Variants in PARD3 observed in about 807,000 individuals in gnomAD.
PARD3 encodes the protein par-3 family cell polarity regulator, also known as partitioning defective 3 homolog.
PARD3 carries 75 observed loss-of-function variants against 155.4 expected under a neutral mutation model. The ratio of observed to expected loss-of-function variants is 0.48; its 90% CI spans 0.40 to 0.58. The LOEUF is 0.58. PARD3 is among the 20% of genes least tolerant of loss of function. The pLI is 0.00. For missense variants in PARD3, 1,642 were observed against 1,721.7 expected (o/e 0.95, Z 0.82); for synonymous variants, 576 against 610.5 (o/e 0.94, Z 0.83).
In PARD3 at chr10:34,109,974, G is replaced by T. The variant is rs1946324407; in HGVS notation, c.*1195C>A. 6.7e-6 allele frequency: 1 copy of T among 149,662 alleles called. No homozygotes were observed. The highest frequency in any genetic ancestry group is 2.0e-4 in the East Asian group (1 of 5,038). 9.3% of individuals were successfully genotyped at this position (149,662 alleles called of 1,614,324 possible). A position where few individuals can be genotyped will look rare whatever the true frequency, so the allele number is the denominator to read the frequency against. ...ATACAGGATGTTCAGAACAATGAAG[G>T]AAGATGGGAGCCACCGAGATCCCCG... On this transcript the variant is annotated 3_prime_UTR_variant, in exon 25 of 25. Coordinates refer to ENST00000374788, the MANE Select transcript of PARD3 (RefSeq NM_001184785.2).
chr10:34,737,658 G>A (rs1177700984), intron 1 of PARD3, among the ~76,000 whole-genome samples: 7 of 152,136 alleles, frequency 4.6e-5, no homozygotes, highest in South Asian at 4.1e-4. Context: ...CCCCCACCAC[G>A]TGAGTGCTCA....
At chr10:34,488,502 T>G (rs1589753196) in intron 3 of PARD3, 1 of 140,438 alleles carries the variant, frequency 7.1e-6, no homozygotes, top group African/African-American at 2.6e-5. Context: ...ACTAAAACCC[T>G]TTTTTTTTTG....
At chr10:34,456,411 C>G (rs1402733323) in intron 4 of PARD3, among the ~76,000 whole-genome samples, 1 of 152,182 alleles carries the variant, frequency 6.6e-6, no homozygotes, top group Non-Finnish European at 1.5e-5. Flanking sequence ...ATTCTCCTGC[C>G]TCAGCCTCCC....
At chr10:34,518,504 A>G (rs1004750871) in intron 2 of PARD3, among the ~76,000 whole-genome samples, 1 of 152,234 alleles carries the variant, frequency 6.6e-6, no homozygotes, top group Admixed American at 6.5e-5. Flanking sequence ...ATCAAATGGA[A>G]GCAGGTGTCA....
chr10:34,759,006 G>C (rs1454018677), intron 1 of PARD3, among the ~76,000 whole-genome samples: 2 of 151,778 alleles, frequency 1.3e-5, no homozygotes, highest in East Asian at 3.9e-4. Context: ...AGAGGCGGAA[G>C]GAAAAAGCTA....
intron 5 of PARD3, among the ~76,000 whole-genome samples, chr10:34,405,835 C>T (rs936935786): frequency 6.6e-6 from 1 of 152,202 alleles, no homozygotes; most frequent in Non-Finnish European, 1.5e-5. Context: ...GACACTGGCA[C>T]ACACAGAAGA....
chr10:34,457,882 G>A (rs1589648131), intron 4 of PARD3, among the ~76,000 whole-genome samples: 1 of 152,062 alleles, frequency 6.6e-6, no homozygotes, highest in Non-Finnish European at 1.5e-5. Context: ...TTATAGGTAT[G>A]CACCACCAGC....
intron 3 of PARD3, among the ~76,000 whole-genome samples, chr10:34,513,036 C>G (rs1357703097): frequency 6.6e-6 from 1 of 151,950 alleles, no homozygotes; most frequent in Non-Finnish European, 1.5e-5. Context: ...TATGTTTAGG[C>G]TACCAAAAAA....
At chr10:34,477,407 T>C (rs2078788886) in intron 3 of PARD3, among the ~76,000 whole-genome samples, 1 of 152,212 alleles carries the variant, frequency 6.6e-6, no homozygotes, top group Admixed American at 6.5e-5. Context: ...GCGATGTCAC[T>C]GGGTCCAGAA....
At chr10:34,794,267 T>C (rs904071475) in intron 1 of PARD3, among the ~76,000 whole-genome samples, 2 of 152,236 alleles carry the variant, frequency 1.3e-5, no homozygotes, top group African/African-American at 4.8e-5. Context: ...GCTGAGGATG[T>C]AGACTTTTTA....
chr10:34,702,223 T>C (rs1048693821), intron 1 of PARD3, among the ~76,000 whole-genome samples: 3 of 147,770 alleles, frequency 2.0e-5, no homozygotes, highest in African/African-American at 7.5e-5. Context: ...GGCATGATAG[T>C]GCATACCTGT....
chr10:34,481,084 G>A (rs1339475323), intron 3 of PARD3, among the ~76,000 whole-genome samples: 2 of 152,146 alleles, frequency 1.3e-5, no homozygotes, highest in East Asian at 1.9e-4. Flanking sequence ...TTACAGGTGT[G>A]AGCCACCACG....
At chr10:34,464,009 C>A (rs898105015) in intron 4 of PARD3, among the ~76,000 whole-genome samples, 3 of 151,902 alleles carry the variant, frequency 2.0e-5, no homozygotes, top group Non-Finnish European at 4.4e-5. Flanking sequence ...CCTAACAATG[C>A]AATTCTCAGG....
chr10:34,172,979 C>G (rs1424203184), intron 22 of PARD3, among the ~76,000 whole-genome samples: 1 of 152,156 alleles, frequency 6.6e-6, no homozygotes, highest in South Asian at 2.1e-4. Flanking sequence ...CCTACTCCAT[C>G]GGGAAATCCT....
chr10:34,771,660 T>C (rs1463405759), intron 1 of PARD3, among the ~76,000 whole-genome samples: 2 of 152,236 alleles, frequency 1.3e-5, no homozygotes, highest in African/African-American at 4.8e-5. Context: ...GGAACAGTTG[T>C]CACTAACTCT....
Position 34,227,856 on chromosome 10 carries a change from T to TATATATATATATATA in PARD3, c.3419+41800_3419+41801insTATATATATATATAT, listed in dbSNP as rs1554814034. Among the ~76,000 whole-genome samples the TATATATATATATATA allele has an allele frequency of 4.9e-3, 399 of 82,196 alleles. 21 individuals carry two copies. Among genetic ancestry groups the TATATATATATATATA allele is most frequent in the African/African-American group, 0.013 (224 of 16,854 alleles). The allele number at this position is 82,196 out of a possible 152,430, so 53.9% of individuals were successfully genotyped here. ...TATTCCCAGTAATGGGAATTATTTTTTATATATATATATATATATATATAT... is the reference window on the plus strand; with the variant it reads ...TATTCCCAGTAATGGGAATTATTTTTATATATATATATATATATATATATATATATATATATATAT... On this transcript the variant is annotated intron_variant, in intron 22 of 24. Coordinates refer to ENST00000374788, the MANE Select transcript of PARD3 (RefSeq NM_001184785.2).
chr10:34,477,813 C>T (rs538878457), intron 3 of PARD3, among the ~76,000 whole-genome samples: 118 of 152,272 alleles, frequency 7.7e-4, no homozygotes, highest in Non-Finnish European at 1.5e-3. Flanking sequence ...TACATGTGTG[C>T]TTTTAGAACT....
chr10:34,695,477 CAAAAAAA>C (rs60331770), intron 2 of PARD3, among the ~76,000 whole-genome samples: 3 of 109,564 alleles, frequency 2.7e-5, no homozygotes, highest in Non-Finnish European at 5.4e-5. Flanking sequence ...GACTCCATCT[CAAAAAAA>C]AAAAAAAAAA....
At chr10:34,455,852 C>A (rs1000756348) in intron 4 of PARD3, among the ~76,000 whole-genome samples, 1 of 152,150 alleles carries the variant, frequency 6.6e-6, no homozygotes. Flanking sequence ...TCCATGCAAA[C>A]CAACTTCCTA....
Sources: allele counts gnomAD v4.1 joint callset (sites outside exome capture counted in the v4.1 genomes callset), GRCh38; gene constraint gnomAD v4.1.1; transcripts MANE v1.5; gene names NCBI Gene and HGNC (gene_info 2026-07-23, HGNC 2026-07-21).